The following PRKX variants were observed in gnomAD, a reference collection of about 807,000 sequenced individuals.
The protein encoded by PRKX is cAMP-dependent protein kinase catalytic subunit PRKX.
Under a neutral mutation model 22.0 loss-of-function variants are expected in PRKX, and 12 were observed. The observed-to-expected ratio is 0.54, with a 90% CI of 0.35 to 0.88. The LOEUF (loss-of-function observed/expected upper bound fraction) is 0.88. Ranked by LOEUF, PRKX falls within the 40% of genes least tolerant of loss-of-function variation. PRKX has a pLI of 0.01. For synonymous variants in PRKX, 134 were observed against 137.7 expected, an observed-to-expected ratio of 0.97 and a Z score of 0.19; for missense variants, 217 against 308.0, an observed-to-expected ratio of 0.70 and a Z score of 2.21.
intron 4 of PRKX, among the ~76,000 whole-genome samples, chrX:3,626,717 C>T (rs969408295): frequency 8.0e-5 from 9 of 112,074 alleles, no homozygotes; most frequent in Non-Finnish European, 1.7e-4. Flanking sequence ...TGCCACAGTC[C>T]GATGCAGGGG....
intron 4 of PRKX, among the ~76,000 whole-genome samples, chrX:3,636,617 T>C (rs1274126068): frequency 8.9e-6 from 1 of 112,362 alleles, no homozygotes; most frequent in African/African-American, 3.2e-5. Context: ...CCCAGCACTT[T>C]GGGAGGCCGA....
chrX:3,694,426 A>T lies in PRKX; in HGVS notation c.166+18662T>A, dbSNP rs192187580. 3.3e-3 allele frequency among the ~76,000 whole-genome samples: 367 copies of T among 111,383 alleles called. 1 individual carries two copies. Among genetic ancestry groups the T allele is most frequent in the African/African-American group, 0.011 (336 of 30,840 alleles). On this transcript the variant is annotated intron_variant, in intron 1 of 8. Coordinates refer to ENST00000262848, the MANE Select transcript of PRKX (RefSeq NM_005044.5). ...AAATAAATAAATAAATAAATTATTT[A>T]AAAAAATAAAGAGCCAGATGAGGAG...
At chrX:3,712,695 A>C (rs1343788165) in intron 1 of PRKX, among the ~76,000 whole-genome samples, 3 of 111,871 alleles carry the variant, frequency 2.7e-5, no homozygotes, top group African/African-American at 9.7e-5. Flanking sequence ...GGGTCTTCGC[A>C]CCCCGCGCCA....
intron 1 of PRKX, among the ~76,000 whole-genome samples, chrX:3,688,690 C>G (rs1569060712): frequency 4.6e-5 from 5 of 109,671 alleles, no homozygotes; most frequent in Admixed American, 3.9e-4. Flanking sequence ...TAGCCAGACA[C>G]CATCTATAAA....
intron 4 of PRKX, among the ~76,000 whole-genome samples, chrX:3,637,500 G>A (rs185250939): frequency 1.7e-4 from 19 of 111,629 alleles, no homozygotes; most frequent in Non-Finnish European, 3.2e-4. Context: ...CTGGAGCTGG[G>A]GAAGAGCACA....
At chrX:3,649,830 G>GAGGA (rs1174879240) in intron 3 of PRKX, among the ~76,000 whole-genome samples, 2 of 82,005 alleles carry the variant, frequency 2.4e-5, no homozygotes, top group African/African-American at 4.5e-5. Flanking sequence ...GGGAGGGAGG[G>GAGGA]AGGAAGGAAG....
chrX:3,633,452 T>C (rs1926827858), intron 4 of PRKX, among the ~76,000 whole-genome samples: 1 of 108,176 alleles, frequency 9.2e-6, no homozygotes, highest in Admixed American at 1.0e-4. Context: ...TCATCCCAGC[T>C]ACTCAAGAGG....
At chrX:3,689,845 C>G (rs1000306231) in intron 1 of PRKX, among the ~76,000 whole-genome samples, 1 of 111,064 alleles carries the variant, frequency 9.0e-6, no homozygotes, top group Admixed American at 9.6e-5. Context: ...AGTGTGGTGG[C>G]GGAAGCCTGT....
At chrX:3,650,328 T>C (rs1241480294) in intron 3 of PRKX, among the ~76,000 whole-genome samples, 2 of 101,952 alleles carry the variant, frequency 2.0e-5, no homozygotes, top group Non-Finnish European at 2.0e-5. Context: ...GAGACCATCC[T>C]GGCTAACACA....
intron 8 of PRKX, among the ~76,000 whole-genome samples, chrX:3,610,487 G>GA (rs889641899): frequency 1.1e-4 from 12 of 108,580 alleles, no homozygotes; most frequent in Admixed American, 6.9e-4. Flanking sequence ...GTCTCAAAAA[G>GA]AAAAAAAAAT....
chrX:3,664,163 A>ACCT (rs2146589717), intron 2 of PRKX, among the ~76,000 whole-genome samples: 1 of 110,960 alleles, frequency 9.0e-6, no homozygotes, highest in African/African-American at 3.3e-5. Context: ...GCACTGGAAG[A>ACCT]CCTCCTCCGC....
At chrX:3,661,060 T>A (rs1421966865) in intron 2 of PRKX, among the ~76,000 whole-genome samples, 6 of 110,597 alleles carry the variant, frequency 5.4e-5, no homozygotes, top group African/African-American at 2.0e-4. Context: ...CAAGGCTTAA[T>A]AAAGTCACCT....
At chrX:3,698,747 C>G (rs909761050) in intron 1 of PRKX, among the ~76,000 whole-genome samples, 2 of 108,855 alleles carry the variant, frequency 1.8e-5, no homozygotes, top group African/African-American at 6.7e-5. Flanking sequence ...CGCCACCACA[C>G]ACCCGGCTAA....
At chrX:3,624,069 T>G (rs9633179) in intron 5 of PRKX, among the ~76,000 whole-genome samples, 13,532 of 110,294 alleles carry the variant, frequency 0.12, 647 homozygotes, top group East Asian at 0.27. Context: ...ATAAGAAAAA[T>G]GCCTCATTAA....
chrX:3,634,773 G>C (rs2002529), intron 4 of PRKX, among the ~76,000 whole-genome samples: 50,505 of 110,969 alleles, frequency 0.46, 8,955 homozygotes, highest in East Asian at 0.63. Context: ...TCACCGCAGC[G>C]TTGACCTCCC....
At position 3,630,448 on chromosome X, in the gene PRKX, C is replaced by T. The variant is rs755618545; in HGVS notation, c.720-3934G>A. Among the ~76,000 whole-genome samples the T allele has an allele frequency of 5.7e-3, 631 of 111,356 alleles. 4 individuals are homozygous for T. Among genetic ancestry groups the T allele is most frequent in the African/African-American group, 0.019 (579 of 30,697 alleles). On this transcript the variant is annotated intron_variant, in intron 4 of 8. Transcript: ENST00000262848. ...GGTGGCGGGCGCCTGTAATCCCAGC[C>T]ACTCAGGAGGCTGAGGCAGCGGAAT... is the stretch of plus-strand genomic sequence containing the variant.
At chrX:3,660,165 T>C (rs1342153251) in intron 2 of PRKX, among the ~76,000 whole-genome samples, 2 of 112,089 alleles carry the variant, frequency 1.8e-5, no homozygotes, top group Non-Finnish European at 3.8e-5. Flanking sequence ...ATGATTTCAC[T>C]GTTCTGGTGG....
chrX:3,622,158 A>G (rs1195814591), intron 5 of PRKX, among the ~76,000 whole-genome samples: 2 of 109,273 alleles, frequency 1.8e-5, no homozygotes, highest in East Asian at 5.8e-4. Context: ...AAAAACAAAA[A>G]CAAACAACAA....
rs1158350565 is a variant in PRKX, at chrX:3,604,867, A to G, written c.*4102T>C. On this transcript the variant is annotated 3_prime_UTR_variant, in exon 9 of 9. Transcript: ENST00000262848. ...AACTAAGCCTCAACAGAACTTCCCA[A>G]CACACGATAATTTACAGAAAACCAT... 9.0e-6 allele frequency: 1 copy of G among 111,516 alleles called. No homozygotes were observed. Among genetic ancestry groups the G allele is most frequent in the Non-Finnish European group, 1.9e-5 (1 of 53,143 alleles). 9.2% of individuals were successfully genotyped at this position (111,516 alleles called of 1,213,427 possible).
Sources: allele counts gnomAD v4.1 joint callset (sites outside exome capture counted in the v4.1 genomes callset), GRCh38; gene constraint gnomAD v4.1.1; transcripts MANE v1.5; gene names NCBI Gene and HGNC (gene_info 2026-07-23, HGNC 2026-07-21).